TNNI3K: variants seen among roughly 807,000 people sequenced by gnomAD.
The protein encoded by TNNI3K is TNNI3 interacting kinase, also known as serine/threonine-protein kinase TNNI3K.
A neutral mutation model predicts 114.5 loss-of-function variants in TNNI3K; 140 were observed. That is an observed-to-expected ratio of 1.22 (90% CI 1.07 to 1.41). The LOEUF (loss-of-function observed/expected upper bound fraction) is 1.41. TNNI3K is among the 40% of genes most tolerant of loss of function. TNNI3K has a pLI of 0.00. For synonymous variants in TNNI3K, 347 were observed against 347.5 expected, an observed-to-expected ratio of 1.00 and a Z score of 0.02; for missense variants, 1,125 against 1,007.6, an observed-to-expected ratio of 1.12 and a Z score of -1.58.
intron 5 of TNNI3K, among the ~76,000 whole-genome samples, chr1:74,303,825 G>T (rs965595153): frequency 7.2e-5 from 11 of 152,178 alleles, no homozygotes; most frequent in Admixed American, 2.0e-4. Context: ...ATGGGAGGAG[G>T]TCAAAATACC....
At chr1:74,248,620 A>G (rs1400103198) in intron 2 of TNNI3K, among the ~76,000 whole-genome samples, 1 of 152,224 alleles carries the variant, frequency 6.6e-6, no homozygotes, top group Non-Finnish European at 1.5e-5. Context: ...TAATTTTAGC[A>G]TCATTTTTGT....
At chr1:74,390,106 T>C (rs1481532877) in intron 17 of TNNI3K, among the ~76,000 whole-genome samples, 1 of 152,104 alleles carries the variant, frequency 6.6e-6, no homozygotes, top group African/African-American at 2.4e-5. Context: ...CTGGGAAGAA[T>C]GAGTTTGAGA....
chr1:74,328,929 TA>T (rs1660056226), intron 5 of TNNI3K, among the ~76,000 whole-genome samples: 1 of 152,126 alleles, frequency 6.6e-6, no homozygotes, highest in South Asian at 2.1e-4. Context: ...CCTTGATTGC[TA>T]GGGGCCTCCT....
chr1:74,354,526 A>C (rs1394579346), intron 11 of TNNI3K, among the ~76,000 whole-genome samples: 2 of 152,154 alleles, frequency 1.3e-5, no homozygotes, highest in African/African-American at 4.8e-5. Context: ...TATTTGTCAG[A>C]TCTAACCCTG....
chr1:74,511,702 A>G (rs948937646), intron 23 of TNNI3K, among the ~76,000 whole-genome samples: 1 of 152,096 alleles, frequency 6.6e-6, no homozygotes, highest in Non-Finnish European at 1.5e-5. Flanking sequence ...ACACAGGAAG[A>G]TAAGTACTGA....
intron 23 of TNNI3K, among the ~76,000 whole-genome samples, chr1:74,526,943 A>C (rs1188952347): frequency 6.6e-6 from 1 of 152,260 alleles, no homozygotes; most frequent in Non-Finnish European, 1.5e-5. Flanking sequence ...GTTTGCACTG[A>C]AACAGCAGAG....
At chr1:74,479,441 CAT>C (rs1392081025) in intron 21 of TNNI3K, among the ~76,000 whole-genome samples, 1 of 152,156 alleles carries the variant, frequency 6.6e-6, no homozygotes, top group Non-Finnish European at 1.5e-5. Flanking sequence ...GCCAAGTTTA[CAT>C]AGAGTTGGAC....
intron 4 of TNNI3K, among the ~76,000 whole-genome samples, chr1:74,254,963 G>A (rs1019315472): frequency 1.3e-5 from 2 of 152,046 alleles, no homozygotes; most frequent in Non-Finnish European, 2.9e-5. Flanking sequence ...TGCAAGAATC[G>A]ATATTATTAT....
chr1:74,383,034 A>T (rs1460488010), intron 17 of TNNI3K, among the ~76,000 whole-genome samples: 1 of 151,694 alleles, frequency 6.6e-6, no homozygotes. Context: ...AAAGGAAAGG[A>T]TTGATTACAG....
chr1:74,541,346 A>G (rs1007666039), intron 24 of TNNI3K, among the ~76,000 whole-genome samples: 2 of 152,314 alleles, frequency 1.3e-5, no homozygotes, highest in South Asian at 2.1e-4. Context: ...GGGCACATTT[A>G]AAAAAGGGAA....
chr1:74,451,620 T>A (rs1311911819), intron 20 of TNNI3K, among the ~76,000 whole-genome samples: 1 of 149,146 alleles, frequency 6.7e-6, no homozygotes, highest in Non-Finnish European at 1.5e-5. Context: ...CTTTCCTTCC[T>A]TCCTTCCTTT....
At chr1:74,532,817 G>A (rs6695685) in intron 23 of TNNI3K, among the ~76,000 whole-genome samples, 76,513 of 151,732 alleles carry the variant, frequency 0.5, 20,288 homozygotes, top group East Asian at 0.72. Context: ...AATGGGGAAA[G>A]GATTCCCTAT....
intron 17 of TNNI3K, among the ~76,000 whole-genome samples, chr1:74,397,201 C>CAGAG (rs34456578): frequency 2.0e-5 from 3 of 150,826 alleles, no homozygotes; most frequent in Admixed American, 6.6e-5. Context: ...AACATGATGA[C>CAGAG]AGAGAGAGAG....
At chr1:74,314,528 C>G (rs1433195036) in intron 5 of TNNI3K, among the ~76,000 whole-genome samples, 2 of 151,988 alleles carry the variant, frequency 1.3e-5, no homozygotes, top group African/African-American at 4.8e-5. Flanking sequence ...AAAGTAGAGT[C>G]TCTTGTTTAA....
At position 74,369,263 on chromosome 1, in the gene TNNI3K, C is replaced by T. The variant is rs79936844; in HGVS notation, c.1471C>T (p.Arg491Cys). The T allele has an allele frequency of 5.5e-5, 88 of 1,611,766 alleles. No homozygotes were observed. The highest frequency in any genetic ancestry group is 1.5e-4 in the Admixed American group (9 of 59,660). The change falls in exon 15 of 25, where the codon CGT becomes TGT. Residue 491 changes from arginine to cysteine, a missense_variant and splice_region_variant. Coordinates refer to ENST00000326637, the MANE Select transcript of TNNI3K (RefSeq NM_015978.3). The stretch of plus-strand genomic sequence containing the variant: ...CAGAAATAAAATAGTGGCTATAAAA[C>T]GGTAAGCAAGCAAATGAAAAAATTT... ...RCRNKIVAIK[R>C]YRANTYCSKS...
Position 74,369,603 on chromosome 1 carries a change from T to C in TNNI3K, c.1667+18T>C, listed in dbSNP as rs752285860. The C allele has an allele frequency of 3.2e-6, 5 of 1,579,574 alleles. No individual in the cohort carries two copies. The East Asian group carries it at 1.1e-4, about 35-fold the overall frequency. On this transcript the variant is annotated intron_variant, in intron 16 of 24. Transcript: ENST00000326637. ...CAGAAGAGGTATGGGTCTTTTGTTCTGATTTATCCTTGGACATTCCGTAGA... is the reference window on the plus strand; with the variant it reads ...CAGAAGAGGTATGGGTCTTTTGTTCCGATTTATCCTTGGACATTCCGTAGA...
intron 5 of TNNI3K, among the ~76,000 whole-genome samples, chr1:74,293,641 T>C (rs1657807670): frequency 6.6e-6 from 1 of 151,730 alleles, no homozygotes; most frequent in Non-Finnish European, 1.5e-5. Flanking sequence ...AATGATTCGA[T>C]TGCAAATAGA....
intron 21 of TNNI3K, among the ~76,000 whole-genome samples, chr1:74,478,430 T>C (rs934003437): frequency 6.6e-6 from 1 of 152,208 alleles, no homozygotes; most frequent in African/African-American, 2.4e-5. Flanking sequence ...GAACTGTTAA[T>C]GTAGCTAAAT....
At chr1:74,262,649 A>G (rs1168713455) in intron 4 of TNNI3K, among the ~76,000 whole-genome samples, 4 of 152,106 alleles carry the variant, frequency 2.6e-5, no homozygotes, top group African/African-American at 9.6e-5. Context: ...CACTTAAGAA[A>G]CTAGAGAAAA....
Sources: gnomAD v4.1 joint callset for allele counts (sites outside exome capture counted in the v4.1 genomes callset) on GRCh38, gnomAD v4.1.1 for gene constraint, MANE v1.5 for transcripts, NCBI Gene and HGNC (gene_info 2026-07-23, HGNC 2026-07-21) for gene names.